Variants in CACNA2D1 observed in about 807,000 individuals in gnomAD.
The protein encoded by CACNA2D1 is calcium voltage-gated channel auxiliary subunit alpha2delta 1.
In CACNA2D1, 53 loss-of-function variants were observed where a neutral mutation model predicts 171.5. That is an observed-to-expected ratio of 0.31 (90% CI 0.25 to 0.39). The LOEUF is 0.39. Among genes scored for constraint, CACNA2D1 ranks in the 10% least tolerant of loss-of-function variants. CACNA2D1 has a pLI of 1.00. For missense variants in CACNA2D1, 903 were observed against 1,299.8 expected (o/e 0.69, Z 4.69); for synonymous variants, 442 against 443.1 (o/e 1.00, Z 0.03).
chr7:82,238,068 C>A (rs1278962638), intron 3 of CACNA2D1, among the ~76,000 whole-genome samples: 1 of 151,924 alleles, frequency 6.6e-6, no homozygotes, highest in Non-Finnish European at 1.5e-5. Flanking sequence ...TAGATACTAT[C>A]TTCTATTGTG....
At chr7:81,957,379 C>T (rs901860868) in intron 38 of CACNA2D1, among the ~76,000 whole-genome samples, 4 of 152,028 alleles carry the variant, frequency 2.6e-5, no homozygotes, top group South Asian at 2.1e-4. Context: ...ACATTAATAT[C>T]GCAGATTTAG....
chr7:81,995,096 G>A (rs1256681883), intron 19 of CACNA2D1, among the ~76,000 whole-genome samples, 157 bp from the exon 20 acceptor site: 2 of 148,700 alleles, frequency 1.3e-5, no homozygotes, highest in Non-Finnish European at 2.9e-5. Context: ...GTTGTTCTCA[G>A]GGAATTTTTT....
chr7:82,171,372 A>AC (rs1796001634), intron 3 of CACNA2D1, among the ~76,000 whole-genome samples: 1 of 151,906 alleles, frequency 6.6e-6, no homozygotes, highest in East Asian at 2.0e-4. Context: ...TTTCAACTTC[A>AC]CTATGATGTT....
At chr7:82,180,294 T>G (rs948705248) in intron 3 of CACNA2D1, among the ~76,000 whole-genome samples, 2 of 152,166 alleles carry the variant, frequency 1.3e-5, no homozygotes, top group Non-Finnish European at 2.9e-5. Context: ...AACTCAGGGT[T>G]CATCAGCTGT....
intron 6 of CACNA2D1, among the ~76,000 whole-genome samples, chr7:82,103,779 T>C (rs975461688): frequency 6.6e-6 from 1 of 152,114 alleles, no homozygotes; most frequent in Non-Finnish European, 1.5e-5. Context: ...GAGTAAAATA[T>C]ATTTAACTCC....
At chr7:82,198,468 A>C (rs968051753) in intron 3 of CACNA2D1, among the ~76,000 whole-genome samples, 1 of 152,076 alleles carries the variant, frequency 6.6e-6, no homozygotes, top group Non-Finnish European at 1.5e-5. Context: ...AAAGACTAAG[A>C]GAGTTTCCAA....
rs918867175 is a variant in CACNA2D1, at chr7:81,948,978, T to C, written c.*1414A>G. On this transcript the variant is annotated 3_prime_UTR_variant, in exon 39 of 39. Coordinates refer to ENST00000356860, the MANE Select transcript of CACNA2D1 (RefSeq NM_000722.4). ...ATTCACAATCAAGTATTCATGTGCA[T>C]ACATAGAGATTCAAGGTTTCCTATT... is the stretch of plus-strand genomic sequence containing the variant. 2.6e-5 allele frequency: 4 copies of C among 152,006 alleles called. No individual in the cohort carries two copies. The highest frequency in any genetic ancestry group is 5.9e-5 in the Non-Finnish European group (4 of 67,920). The allele number at this position is 152,006 out of a possible 1,614,324, so 9.4% of individuals were successfully genotyped here. A position where few individuals can be genotyped will look rare whatever the true frequency, so the allele number is the denominator to read the frequency against.
At chr7:82,299,833 A>C (rs571320653) in intron 3 of CACNA2D1, among the ~76,000 whole-genome samples, 2 of 152,194 alleles carry the variant, frequency 1.3e-5, no homozygotes, top group East Asian at 3.9e-4. Flanking sequence ...AATATTAGAG[A>C]GCTTATAAAG....
intron 25 of CACNA2D1, among the ~76,000 whole-genome samples, chr7:81,972,166 T>G (rs1307168550): frequency 6.6e-6 from 1 of 151,576 alleles, no homozygotes. Context: ...TTTTGTGTTT[T>G]TGTTTATTTC....
At chr7:82,049,063 C>T (rs1286001908) in intron 10 of CACNA2D1, among the ~76,000 whole-genome samples, 1 of 148,162 alleles carries the variant, frequency 6.7e-6, no homozygotes, top group Non-Finnish European at 1.5e-5. Flanking sequence ...TTGTACTTGT[C>T]AACACCTTCT....
At chr7:82,310,844 G>C (rs1042692209) in intron 3 of CACNA2D1, among the ~76,000 whole-genome samples, 1 of 152,070 alleles carries the variant, frequency 6.6e-6, no homozygotes, top group African/African-American at 2.4e-5. Flanking sequence ...TTTTGATAAA[G>C]TGTTTTAAAC....
chr7:81,956,088 A>G (rs1793300951), intron 38 of CACNA2D1, among the ~76,000 whole-genome samples: 1 of 149,110 alleles, frequency 6.7e-6, no homozygotes, highest in Non-Finnish European at 1.5e-5. Context: ...CCTAGGCTCA[A>G]GCAATTCTCC....
chr7:81,961,780 C>T (rs1200317509), intron 36 of CACNA2D1, 114 bp downstream of exon 36: 9 of 921,200 alleles, frequency 9.8e-6, no homozygotes, highest in Middle Eastern at 3.3e-4. Flanking sequence ...GACTCCAACA[C>T]AATTTTCAGT....
chr7:82,022,191 A>T (rs546461194), intron 12 of CACNA2D1, among the ~76,000 whole-genome samples: 1 of 151,306 alleles, frequency 6.6e-6, no homozygotes, highest in African/African-American at 2.4e-5. Flanking sequence ...TCTATGAGAA[A>T]CAAGTGTAAA....
At chr7:82,218,181 G>T (rs1346128152) in intron 3 of CACNA2D1, among the ~76,000 whole-genome samples, 1 of 151,944 alleles carries the variant, frequency 6.6e-6, no homozygotes, top group Non-Finnish European at 1.5e-5. Context: ...TGATCCACCC[G>T]CCTCAGCCTC....
At chr7:82,272,739 A>G (rs1031423326) in intron 3 of CACNA2D1, among the ~76,000 whole-genome samples, 10 of 152,268 alleles carry the variant, frequency 6.6e-5, no homozygotes, top group Admixed American at 1.3e-4. Flanking sequence ...TGGTAAACTT[A>G]TTTCTGAATG....
At chr7:82,151,235 G>C (rs1184749062) in intron 4 of CACNA2D1, among the ~76,000 whole-genome samples, 3 of 151,998 alleles carry the variant, frequency 2.0e-5, no homozygotes, top group Admixed American at 2.0e-4. Context: ...TCATTCCTCA[G>C]GCATATTTTC....
At chr7:82,271,012 G>A (rs922767453) in intron 3 of CACNA2D1, among the ~76,000 whole-genome samples, 2 of 151,982 alleles carry the variant, frequency 1.3e-5, no homozygotes, top group Non-Finnish European at 2.9e-5. Context: ...TAATTCCCAT[G>A]AGACTCTGGC....
At chr7:81,953,138 A>C (rs1792806101) in intron 38 of CACNA2D1, among the ~76,000 whole-genome samples, 1 of 152,000 alleles carries the variant, frequency 6.6e-6, no homozygotes, top group African/African-American at 2.4e-5. Flanking sequence ...CCCCAAACTT[A>C]CTGCTTGTCA....
Sources: gnomAD v4.1 joint callset for allele counts (sites outside exome capture counted in the v4.1 genomes callset) on GRCh38, gnomAD v4.1.1 for gene constraint, MANE v1.5 for transcripts, NCBI Gene and HGNC (gene_info 2026-07-23, HGNC 2026-07-21) for gene names.